CNTNAP2: variants seen among roughly 807,000 people sequenced by gnomAD.
CNTNAP2 encodes contactin-associated protein-like 2.
In CNTNAP2, 98 loss-of-function variants were observed where a neutral mutation model predicts 155.2. The observed-to-expected ratio is 0.63, with a 90% CI of 0.54 to 0.75. The LOEUF is 0.75. Among genes scored for constraint, CNTNAP2 ranks in the 30% least tolerant of loss-of-function variants. The pLI is 0.00. For missense variants in CNTNAP2, 1,727 were observed against 1,688.1 expected, an observed-to-expected ratio of 1.02 and a Z score of -0.40; for synonymous variants, 651 against 631.2, an observed-to-expected ratio of 1.03 and a Z score of -0.47.
chr7:147,410,614 G>A (rs148208974), intron 10 of CNTNAP2, among the ~76,000 whole-genome samples: 3 of 152,250 alleles, frequency 2.0e-5, no homozygotes, highest in African/African-American at 7.2e-5. Flanking sequence ...AGCAGAAGAT[G>A]TGCAGAGCTA....
At chr7:147,762,144 C>T (rs1049733414) in intron 13 of CNTNAP2, among the ~76,000 whole-genome samples, 7 of 133,688 alleles carry the variant, frequency 5.2e-5, no homozygotes, top group Non-Finnish European at 9.4e-5. Context: ...CTCTCTCTCT[C>T]TCTCTCTGTC....
At chr7:147,536,158 C>G (rs938869849) in intron 11 of CNTNAP2, among the ~76,000 whole-genome samples, 4 of 147,858 alleles carry the variant, frequency 2.7e-5, no homozygotes, top group African/African-American at 1.1e-4. Context: ...TGAAATTTAA[C>G]ATGTTTCTTT....
At chr7:146,856,309 C>A (rs140434667) in intron 3 of CNTNAP2, among the ~76,000 whole-genome samples, 1 of 142,990 alleles carries the variant, frequency 7.0e-6, no homozygotes, top group African/African-American at 2.7e-5. Context: ...TACATACATA[C>A]ATACATACAT....
intron 2 of CNTNAP2, among the ~76,000 whole-genome samples, chr7:146,780,586 CT>C (rs111474035): frequency 5.3e-5 from 8 of 151,820 alleles, no homozygotes; most frequent in Non-Finnish European, 1.2e-4. Flanking sequence ...TGATGATGAG[CT>C]TTTTTTTAAC....
Position 148,105,941 on chromosome 7 carries a change from G to T in CNTNAP2, c.2384-12177G>T, listed in dbSNP as rs558771817. Among the ~76,000 whole-genome samples the T allele has an allele frequency of 3.9e-5, 6 of 152,330 alleles. No individual in the cohort carries two copies. In the South Asian group the frequency reaches 1.0e-3, roughly 26 times the overall value. ...TTGGCTTTATCAAGGATGAATTTGA[G>T]ATGAGCAGCAGCAGGAACAGAACCA... On this transcript the variant is annotated intron_variant, in intron 15 of 23. Transcript: ENST00000361727.
chr7:148,042,264 A>T lies in CNTNAP2; in HGVS notation c.2383+64275A>T, dbSNP rs578082974. Among the ~76,000 whole-genome samples, 3 of 152,244 alleles carry T rather than the reference A, an allele frequency of 2.0e-5. No homozygotes were observed. The South Asian group carries it at 6.2e-4, about 32-fold the overall frequency. On this transcript the variant is annotated intron_variant, in intron 15 of 23. Coordinates refer to ENST00000361727, the MANE Select transcript of CNTNAP2 (RefSeq NM_014141.6). Reference sequence around the variant, plus strand: ...CGTTTACGTGCATCTGGTCTCCACAACTCTTTCATCTTGCAAACCCAAACT... The same window carrying T: ...CGTTTACGTGCATCTGGTCTCCACATCTCTTTCATCTTGCAAACCCAAACT...
chr7:147,230,344 G>A (rs890868858), intron 8 of CNTNAP2, among the ~76,000 whole-genome samples: 4 of 151,962 alleles, frequency 2.6e-5, no homozygotes, highest in Admixed American at 1.3e-4. Flanking sequence ...TGCAACCTCC[G>A]CCTCCTGGGT....
intron 12 of CNTNAP2, among the ~76,000 whole-genome samples, chr7:147,575,401 T>TATTCCCTAGCTTTAGGG (rs1800378050): frequency 6.7e-6 from 1 of 148,572 alleles, no homozygotes; most frequent in African/African-American, 2.5e-5. Flanking sequence ...TGTGTGTGTG[T>TATTCCCTAGCTTTAGGG]GTGTATTCCC....
At chr7:146,782,086 A>C (rs1373823622) in intron 2 of CNTNAP2, 1 of 152,218 alleles carries the variant, frequency 6.6e-6, no homozygotes, top group Non-Finnish European at 1.5e-5. Flanking sequence ...AGTAGACTCA[A>C]GTTCCCAATT....
At chr7:147,589,962 C>T (rs538628469) in intron 12 of CNTNAP2, among the ~76,000 whole-genome samples, 9 of 152,262 alleles carry the variant, frequency 5.9e-5, no homozygotes, top group Non-Finnish European at 1.2e-4. Context: ...GAGGGCCATA[C>T]AGTCATTATT....
At chr7:148,395,862 T>C (rs1045654355) in intron 22 of CNTNAP2, among the ~76,000 whole-genome samples, 1 of 152,198 alleles carries the variant, frequency 6.6e-6, no homozygotes, top group Non-Finnish European at 1.5e-5. Context: ...TTTGGAACTA[T>C]CTCCAAGGTC....
chr7:146,721,889 A>ATATATATATATATATATATATATATT, intron 1 of CNTNAP2, among the ~76,000 whole-genome samples: 1 of 69,738 alleles, frequency 1.4e-5, no homozygotes, highest in Non-Finnish European at 2.4e-5. Flanking sequence ...ATATATATAT[A>ATATATATATATATATATATATATATT]TTTTTTTTTT....
At chr7:147,500,366 G>C (rs1284107950) in intron 11 of CNTNAP2, among the ~76,000 whole-genome samples, 1 of 151,984 alleles carries the variant, frequency 6.6e-6, no homozygotes, top group Non-Finnish European at 1.5e-5. Context: ...CACATTGACA[G>C]TTCTTATACT....
chr7:146,475,483 T>C (rs1444742653), intron 1 of CNTNAP2, among the ~76,000 whole-genome samples: 1 of 152,188 alleles, frequency 6.6e-6, no homozygotes, highest in Non-Finnish European at 1.5e-5. Flanking sequence ...TGCAGAGGCC[T>C]TTAGGATCAG....
At chr7:147,431,128 G>A (rs1464281748) in intron 10 of CNTNAP2, among the ~76,000 whole-genome samples, 1 of 151,932 alleles carries the variant, frequency 6.6e-6, no homozygotes, top group Non-Finnish European at 1.5e-5. Context: ...AGGTCATATG[G>A]TATGACTGGC....
At chr7:148,118,773 C>T (rs531200950) in intron 16 of CNTNAP2, among the ~76,000 whole-genome samples, 1 of 152,252 alleles carries the variant, frequency 6.6e-6, no homozygotes, top group South Asian at 2.1e-4. Flanking sequence ...ACAGAGTCTG[C>T]AGGATTCCTA....
At chr7:147,428,725 G>A (rs957423896) in intron 10 of CNTNAP2, among the ~76,000 whole-genome samples, 8 of 152,144 alleles carry the variant, frequency 5.3e-5, no homozygotes, top group African/African-American at 1.7e-4. Flanking sequence ...GAATCCCCCT[G>A]TGTTTTATGT....
At chr7:146,868,514 C>T (rs77071150) in intron 3 of CNTNAP2, among the ~76,000 whole-genome samples, 2,314 of 152,126 alleles carry the variant, frequency 0.015, 58 homozygotes, top group African/African-American at 0.052. Context: ...ATTTTGGTTC[C>T]GTATGAATTT....
At chr7:146,613,511 A>G (rs1036998600) in intron 1 of CNTNAP2, among the ~76,000 whole-genome samples, 3 of 152,226 alleles carry the variant, frequency 2.0e-5, no homozygotes, top group Admixed American at 2.0e-4. Flanking sequence ...TACATTATTG[A>G]GTAAACAAAG....
Sources: allele counts gnomAD v4.1 joint callset (sites outside exome capture counted in the v4.1 genomes callset), GRCh38; gene constraint gnomAD v4.1.1; transcripts MANE v1.5; gene names NCBI Gene and HGNC (gene_info 2026-07-23, HGNC 2026-07-21).